Variants in C19orf38 observed in about 807,000 individuals in gnomAD.
C19orf38 encodes chromosome 19 open reading frame 38.
C19orf38 carries 14 observed loss-of-function variants against 26.6 expected under a neutral mutation model. That is an observed-to-expected ratio of 0.53 (90% CI 0.35 to 0.82). The LOEUF (loss-of-function observed/expected upper bound fraction) is 0.82. C19orf38 is among the 40% of genes least tolerant of loss of function. C19orf38 has a pLI of 0.01. For synonymous variants in C19orf38, 132 were observed against 128.5 expected (o/e 1.03, Z -0.18); for missense variants, 261 against 299.5 (o/e 0.87, Z 0.95).
chr19:10,858,745 G>T (rs2073657746), intron 4 of C19orf38, among the ~76,000 whole-genome samples: 1 of 152,032 alleles, frequency 6.6e-6, no homozygotes, highest in South Asian at 2.1e-4. Context: ...CTGGGGTTGT[G>T]CAGTGCCCAA....
At chr19:10,840,077 T>C (rs1023979138) in intron 1 of C19orf38, among the ~76,000 whole-genome samples, 2 of 152,250 alleles carry the variant, frequency 1.3e-5, no homozygotes, top group Non-Finnish European at 2.9e-5. Flanking sequence ...TTCAACCTTT[T>C]AGCTATTGTG....
chr19:10,844,327 C>T (rs941603176), upstream of C19orf38, among the ~76,000 whole-genome samples: 3 of 150,990 alleles, frequency 2.0e-5, no homozygotes, highest in Admixed American at 2.0e-4. Flanking sequence ...CGCTTGAACC[C>T]AGGAGGTGGA....
chr19:10,859,354 A>G (rs1316398812), intron 4 of C19orf38, among the ~76,000 whole-genome samples: 218 of 30,764 alleles, frequency 7.1e-3, no homozygotes, highest in East Asian at 0.038. Context: ...GTGTGTATAT[A>G]TATATATATA....
chr19:10,862,755 G>A (rs2073713589), intron 5 of C19orf38, among the ~76,000 whole-genome samples: 1 of 152,106 alleles, frequency 6.6e-6, no homozygotes, highest in Admixed American at 6.6e-5. Context: ...CTTGAACCCA[G>A]GAGGCGGAAG....
rs147806369 is a variant in C19orf38 at position 10,856,658 on chromosome 19, C to T, written c.433+301C>T. Among the ~76,000 whole-genome samples, 868 of 152,148 alleles carry T rather than the reference C, an allele frequency of 5.7e-3. 16 individuals are homozygous for T. The highest frequency in any genetic ancestry group is 0.02 in the African/African-American group (837 of 41,490). On this transcript the variant is annotated intron_variant, in intron 3 of 6. Coordinates refer to ENST00000397820, the MANE Select transcript of C19orf38 (RefSeq NM_001136482.3). ...AGCTGGGATTACAGGCGTGCACCAC[C>T]ATGCCTCGCCAATATTTGTATTTTT...
intron 2 of C19orf38, among the ~76,000 whole-genome samples, chr19:10,852,804 C>G (rs1024190923): frequency 2.0e-5 from 3 of 151,900 alleles, no homozygotes; most frequent in Non-Finnish European, 4.4e-5. Context: ...AGTGAGGGAA[C>G]CCTGGCAGGG....
chr19:10,840,642 C>G (rs2073471944), intron 1 of C19orf38, among the ~76,000 whole-genome samples: 1 of 152,240 alleles, frequency 6.6e-6, no homozygotes, highest in Non-Finnish European at 1.5e-5. Context: ...CCTCAGCCTC[C>G]TGAGTAGGTG....
intron 6 of C19orf38, among the ~76,000 whole-genome samples, chr19:10,864,658 T>A (rs1173487818): frequency 6.6e-6 from 1 of 152,088 alleles, no homozygotes; most frequent in African/African-American, 2.4e-5. Flanking sequence ...GCCTGGAGAC[T>A]GAAGAGCTGG....
chr19:10,855,999 G>C (rs1388526645), intron 2 of C19orf38, among the ~76,000 whole-genome samples: 1 of 152,156 alleles, frequency 6.6e-6, no homozygotes, highest in Non-Finnish European at 1.5e-5. Context: ...AGCCAGAGGA[G>C]TAAACCTCTT....
At chr19:10,855,030 CTTTTTTTTTT>C (rs33999724) in intron 2 of C19orf38, among the ~76,000 whole-genome samples, 35 of 77,762 alleles carry the variant, frequency 4.5e-4, no homozygotes, top group Non-Finnish European at 7.8e-4. Context: ...GATATATATT[CTTTTTTTTTT>C]TTTTTTTTTT....
chr19:10,842,826 A>G (rs552296423), intron 1 of C19orf38, among the ~76,000 whole-genome samples: 4 of 152,216 alleles, frequency 2.6e-5, no homozygotes, highest in South Asian at 4.1e-4. Context: ...GGGGACATCT[A>G]TGGCCGGCAG....
At chr19:10,843,226 G>A (rs2073491969) in intron 1 of C19orf38, among the ~76,000 whole-genome samples, 1 of 152,204 alleles carries the variant, frequency 6.6e-6, no homozygotes, top group Non-Finnish European at 1.5e-5. Context: ...TAGGTGGAGG[G>A]TGGGGATCAA....
rs1215628613 is a variant in C19orf38 at position 10,857,339 on chromosome 19, CATAT to C, written c.434-952_434-949del. On this transcript the variant is annotated intron_variant, in intron 3 of 6. Transcript: ENST00000397820. ...ATATACATACACACACACACACATA[CATAT>C]ATATATATATATATATATATATATT... Among the ~76,000 whole-genome samples the C allele has an allele frequency of 1.8e-3, 95 of 53,982 alleles. 1 individual carries two copies. Among genetic ancestry groups the C allele is most frequent in the East Asian group, 0.013 (20 of 1,544 alleles). 35.4% of individuals were successfully genotyped at this position (53,982 alleles called of 152,430 possible).
At chr19:10,864,205 A>C (rs1019788122) in intron 6 of C19orf38, among the ~76,000 whole-genome samples, 11 of 152,096 alleles carry the variant, frequency 7.2e-5, no homozygotes, top group Admixed American at 2.0e-4. Context: ...GATTACAGGC[A>C]CATGCTACCA....
At chr19:10,847,363 A>G (rs897452013), upstream of C19orf38, among the ~76,000 whole-genome samples, 1 of 141,940 alleles carries the variant, frequency 7.0e-6, no homozygotes, top group Non-Finnish European at 1.5e-5. Context: ...TCTAATGTCC[A>G]CTGCTCTTTT....
chr19:10,847,177 C>T (rs1457841521), upstream of C19orf38, among the ~76,000 whole-genome samples: 1 of 152,208 alleles, frequency 6.6e-6, no homozygotes, highest in Middle Eastern at 3.4e-3. Flanking sequence ...GGGCTGTAAA[C>T]AGGAGGCAGT....
In C19orf38 at chr19:10,867,375, C is replaced by T. The variant is rs1035582199; in HGVS notation, c.544-1843C>T. ...ATGCCAGCACTTTGGGAGGCCAAGG[C>T]GGGCAGATCACCTGAGGTTGGGAAT... On this transcript the variant is annotated intron_variant, in intron 6 of 6. Coordinates refer to ENST00000397820, the MANE Select transcript of C19orf38 (RefSeq NM_001136482.3). Among the ~76,000 whole-genome samples the T allele has an allele frequency of 5.0e-4, 75 of 149,332 alleles. 1 individual carries two copies. The highest frequency in any genetic ancestry group is 9.8e-4 in the Non-Finnish European group (66 of 67,618).
At chr19:10,850,151 A>G in intron 1 of C19orf38, 108 bp from the exon 2 acceptor site, 1 of 1,114,490 alleles carries the variant, frequency 9.0e-7, no homozygotes, top group South Asian at 1.6e-5. Flanking sequence ...CTCCTGACTC[A>G]CAGAAAACAC....
At chr19:10,854,073 T>A (rs923421873) in intron 2 of C19orf38, among the ~76,000 whole-genome samples, 33 of 149,552 alleles carry the variant, frequency 2.2e-4, no homozygotes, top group South Asian at 1.5e-3. Flanking sequence ...TTTTTTTTTT[T>A]AATTTTTGAG....
Sources: gnomAD v4.1 joint callset for allele counts (sites outside exome capture counted in the v4.1 genomes callset) on GRCh38, gnomAD v4.1.1 for gene constraint, MANE v1.5 for transcripts, NCBI Gene and HGNC (gene_info 2026-07-23, HGNC 2026-07-21) for gene names.